RBFOX1: variants seen among roughly 807,000 people sequenced by gnomAD.
The protein encoded by RBFOX1 is RNA binding fox-1 homolog 1, also known as RNA binding protein fox-1 homolog 1.
In RBFOX1, 8 loss-of-function variants were observed where a neutral mutation model predicts 57.7. The observed-to-expected ratio is 0.14, with a 90% CI of 0.08 to 0.25. The LOEUF (loss-of-function observed/expected upper bound fraction) is 0.25. Ranked by LOEUF, RBFOX1 falls within the 10% of genes least tolerant of loss-of-function variation. The probability of loss-of-function intolerance (pLI) is 1.00; values close to 1 mark genes in which losing one functional copy is unlikely to be tolerated. For missense variants in RBFOX1, 611 were observed against 548.5 expected, an observed-to-expected ratio of 1.11 and a Z score of -1.14; for synonymous variants, 326 against 222.4, an observed-to-expected ratio of 1.47 and a Z score of -4.15.
intron 2 of RBFOX1, among the ~76,000 whole-genome samples, chr16:6,607,941 G>A (rs1041718094): frequency 2.6e-5 from 4 of 152,124 alleles, no homozygotes; most frequent in African/African-American, 9.7e-5. Flanking sequence ...TACAAACTTG[G>A]AAACAGCTAT....
intron 2 of RBFOX1, among the ~76,000 whole-genome samples, chr16:6,467,522 G>A (rs2095077197): frequency 1.3e-5 from 2 of 152,118 alleles, no homozygotes; most frequent in African/African-American, 4.8e-5. Flanking sequence ...ACTATGCTGA[G>A]ACAGGAGTTC....
chr16:6,483,236 C>T, intron 2 of RBFOX1: 2 of 1,235,728 alleles, frequency 1.6e-6, no homozygotes. Context: ...GGCCCTGGCG[C>T]CGCCGTGGCC....
At chr16:6,496,374 C>G (rs755508418) in intron 2 of RBFOX1, among the ~76,000 whole-genome samples, 1 of 152,192 alleles carries the variant, frequency 6.6e-6, no homozygotes, top group African/African-American at 2.4e-5. Flanking sequence ...GATTGGGAAC[C>G]TGCTTTGCGG....
intron 3 of RBFOX1, among the ~76,000 whole-genome samples, chr16:6,757,384 A>G (rs11077080): frequency 0.93 from 142,130 of 152,230 alleles, 67,141 homozygotes; most frequent in East Asian, 1. Flanking sequence ...GCAAAGATAT[A>G]AAATCAACCT....
intron 14 of RBFOX1, among the ~76,000 whole-genome samples, chr16:7,702,760 G>A (rs147522336): frequency 3.2e-4 from 49 of 152,322 alleles, no homozygotes; most frequent in African/African-American, 1.1e-3. Flanking sequence ...TCCAGATGCA[G>A]TTCCTCCGGA....
At chr16:7,158,606 A>G (rs1426236084) in intron 4 of RBFOX1, among the ~76,000 whole-genome samples, 1 of 151,288 alleles carries the variant, frequency 6.6e-6, no homozygotes, top group Non-Finnish European at 1.5e-5. Flanking sequence ...TCCTGTGACC[A>G]TGTGTTTGTA....
At chr16:6,844,314 C>T (rs2093646010) in intron 3 of RBFOX1, among the ~76,000 whole-genome samples, 1 of 152,028 alleles carries the variant, frequency 6.6e-6, no homozygotes, top group African/African-American at 2.4e-5. Flanking sequence ...GGTATTAAAT[C>T]TGGTGTTCAT....
At chr16:5,529,433 G>A (rs1308618354) in intron 2 of RBFOX1, among the ~76,000 whole-genome samples, 1 of 135,752 alleles carries the variant, frequency 7.4e-6, no homozygotes, top group Non-Finnish European at 1.6e-5. Context: ...GTCTCCCTTT[G>A]TTGCTCAGGC....
At chr16:7,263,255 C>G (rs2094992683) in intron 4 of RBFOX1, among the ~76,000 whole-genome samples, 1 of 152,184 alleles carries the variant, frequency 6.6e-6, no homozygotes, top group Non-Finnish European at 1.5e-5. Context: ...AGGCACACAT[C>G]CTTAGTACCC....
At chr16:7,377,554 T>C (rs1479394422) in intron 4 of RBFOX1, among the ~76,000 whole-genome samples, 1 of 152,224 alleles carries the variant, frequency 6.6e-6, no homozygotes, top group Non-Finnish European at 1.5e-5. Flanking sequence ...GGAATCTGTA[T>C]TTGCAGGGCA....
intron 3 of RBFOX1, among the ~76,000 whole-genome samples, chr16:5,776,190 G>C (rs1195118011): frequency 6.6e-6 from 1 of 152,242 alleles, no homozygotes; most frequent in Non-Finnish European, 1.5e-5. Context: ...AAGGCTGTTT[G>C]GGTTGGTGCT....
intron 4 of RBFOX1, among the ~76,000 whole-genome samples, chr16:7,053,923 A>T (rs1301106295): frequency 6.6e-6 from 1 of 152,138 alleles, no homozygotes; most frequent in African/African-American, 2.4e-5. Flanking sequence ...GATAGAGCAC[A>T]CATATATAGG....
chr16:7,245,228 A>T (rs2094242170), intron 4 of RBFOX1, among the ~76,000 whole-genome samples: 1 of 152,200 alleles, frequency 6.6e-6, no homozygotes, highest in African/African-American at 2.4e-5. Context: ...AAAATATTTC[A>T]TATAGTTATA....
downstream of RBFOX1, among the ~76,000 whole-genome samples, chr16:5,600,449 G>C (rs1468292641): frequency 7.0e-6 from 1 of 142,858 alleles, no homozygotes; most frequent in African/African-American, 2.7e-5. Context: ...TTATGCCACT[G>C]CACTCCAGCC....
At chr16:5,247,197 C>T (rs1352103743) in intron 1 of RBFOX1, among the ~76,000 whole-genome samples, 1 of 152,170 alleles carries the variant, frequency 6.6e-6, no homozygotes, top group Non-Finnish European at 1.5e-5. Context: ...GGAAAAGATT[C>T]ACTCTAAGTC....
chr16:7,420,856 C>A (rs2149351125), intron 4 of RBFOX1, among the ~76,000 whole-genome samples: 1 of 148,516 alleles, frequency 6.7e-6, no homozygotes, highest in East Asian at 2.0e-4. Context: ...TGTCAGCATG[C>A]ACTTTCAAAT....
chr16:6,654,788 G>C (rs1402617324), intron 3 of RBFOX1, 138 bp downstream of exon 3: 1 of 590,406 alleles, frequency 1.7e-6, no homozygotes, highest in Non-Finnish European at 2.7e-6. Context: ...AAGACAATCA[G>C]ACTTAAAAAT....
intron 2 of RBFOX1, among the ~76,000 whole-genome samples, chr16:5,474,935 C>A (rs537199251): frequency 6.6e-6 from 1 of 152,336 alleles, no homozygotes; most frequent in South Asian, 2.1e-4. Flanking sequence ...AAATGACCAT[C>A]TTGAGCTTGG....
intron 2 of RBFOX1, among the ~76,000 whole-genome samples, chr16:6,618,301 G>A (rs1356686414): frequency 6.6e-6 from 1 of 152,130 alleles, no homozygotes; most frequent in Non-Finnish European, 1.5e-5. Flanking sequence ...TGTAATAGAT[G>A]ACATTGACTG....
Sources: gnomAD v4.1 joint callset for allele counts (sites outside exome capture counted in the v4.1 genomes callset) on GRCh38, gnomAD v4.1.1 for gene constraint, MANE v1.5 for transcripts, NCBI Gene and HGNC (gene_info 2026-07-23, HGNC 2026-07-21) for gene names.